Variants in UBE2K observed in about 807,000 individuals in gnomAD.
UBE2K encodes ubiquitin conjugating enzyme E2 K.
Under a neutral mutation model 30.0 loss-of-function variants are expected in UBE2K, and 6 were observed. That is an observed-to-expected ratio of 0.20 (90% confidence interval 0.11 to 0.39). The LOEUF is 0.39. Ranked by LOEUF, UBE2K falls within the 10% of genes least tolerant of loss-of-function variation. UBE2K has a pLI of 1.00. For missense variants in UBE2K, 61 were observed against 241.6 expected (o/e 0.25, Z 4.96); for synonymous variants, 86 against 83.7 (o/e 1.03, Z -0.15).
intron 4 of UBE2K, among the ~76,000 whole-genome samples, chr4:39,756,298 C>G (rs972331217): frequency 6.6e-6 from 1 of 152,180 alleles, no homozygotes; most frequent in Non-Finnish European, 1.5e-5. Flanking sequence ...TCTTGGCTCT[C>G]CAGTTTACCA....
chr4:39,767,319 G>T (rs1413920093), intron 4 of UBE2K, among the ~76,000 whole-genome samples: 6 of 148,264 alleles, frequency 4.0e-5, no homozygotes, highest in African/African-American at 7.5e-5. Context: ...TTGTGTGTGT[G>T]TTTTGTTTGT....
At chr4:39,708,643 A>G (rs1393121906) in intron 1 of UBE2K, among the ~76,000 whole-genome samples, 1 of 152,092 alleles carries the variant, frequency 6.6e-6, no homozygotes, top group African/African-American at 2.4e-5. Context: ...AGAAAAATAT[A>G]GTGTCTTAGA....
At chr4:39,726,521 G>A (rs1040982191) in intron 1 of UBE2K, among the ~76,000 whole-genome samples, 1 of 148,400 alleles carries the variant, frequency 6.7e-6, no homozygotes, top group Non-Finnish European at 1.5e-5. Context: ...ACTCCTCCTG[G>A]CCTCCACTTT....
chr4:39,749,120 A>G (rs1721126947), intron 3 of UBE2K, among the ~76,000 whole-genome samples: 1 of 152,214 alleles, frequency 6.6e-6, no homozygotes, highest in Non-Finnish European at 1.5e-5. Context: ...GAAAAGATGA[A>G]AAATTCACAT....
At chr4:39,750,330 G>T (rs1383848848) in intron 3 of UBE2K, among the ~76,000 whole-genome samples, 2 of 152,194 alleles carry the variant, frequency 1.3e-5, no homozygotes, top group Non-Finnish European at 1.5e-5. Context: ...AAGAGTGAAT[G>T]AAATTTACAG....
At chr4:39,768,796 TTG>T (rs1441955917) in intron 4 of UBE2K, among the ~76,000 whole-genome samples, 11 of 152,300 alleles carry the variant, frequency 7.2e-5, no homozygotes, top group African/African-American at 2.6e-4. Context: ...TCACCAACAC[TTG>T]TTCATTGTTT....
intron 1 of UBE2K, 83 bp downstream of exon 1, chr4:39,698,473 G>A (rs1304190279): frequency 2.3e-6 from 3 of 1,327,408 alleles, no homozygotes; most frequent in Middle Eastern, 1.8e-4. Flanking sequence ...ATCCCCGGTA[G>A]TCCCTGGGTG....
intron 1 of UBE2K, among the ~76,000 whole-genome samples, chr4:39,705,035 T>A (rs1369141071): frequency 6.6e-6 from 1 of 150,904 alleles, no homozygotes; most frequent in Non-Finnish European, 1.5e-5. Flanking sequence ...CATGCATGGC[T>A]AATGTTTTTT....
At chr4:39,723,052 T>A (rs1348308725) in intron 1 of UBE2K, among the ~76,000 whole-genome samples, 6 of 145,768 alleles carry the variant, frequency 4.1e-5, no homozygotes, top group African/African-American at 1.2e-4. Flanking sequence ...TTTTCTTTAA[T>A]TTTTTTTTTT....
intron 4 of UBE2K, chr4:39,771,025 A>T: frequency 6.2e-7 from 1 of 1,611,946 alleles, no homozygotes; most frequent in East Asian, 2.2e-5. Context: ...AGCCTCACGG[A>T]CCCCATCCTC....
At chr4:39,739,137 C>A (rs1255252585) in intron 2 of UBE2K, among the ~76,000 whole-genome samples, 1 of 152,028 alleles carries the variant, frequency 6.6e-6, no homozygotes, top group Non-Finnish European at 1.5e-5. Context: ...ACGCCATTCT[C>A]CTGCCTCAGC....
At chr4:39,741,002 G>A (rs542684125) in intron 2 of UBE2K, among the ~76,000 whole-genome samples, 1 of 152,074 alleles carries the variant, frequency 6.6e-6, no homozygotes, top group Non-Finnish European at 1.5e-5. Flanking sequence ...CCTGGGCGGG[G>A]TGGCTGATGC....
chr4:39,771,581 T>C (rs1199654917), intron 4 of UBE2K, among the ~76,000 whole-genome samples: 1 of 151,814 alleles, frequency 6.6e-6, no homozygotes, highest in Non-Finnish European at 1.5e-5. Flanking sequence ...GGAGGGTGTA[T>C]AGGGCGCGCT....
At chr4:39,770,553 G>T (rs1307021629) in intron 4 of UBE2K, 1 of 1,593,154 alleles carries the variant, frequency 6.3e-7, no homozygotes. Flanking sequence ...CGCCGCTGCT[G>T]CTTCCACCAG....
At chr4:39,777,103 A>G (rs145465155) in intron 5 of UBE2K, among the ~76,000 whole-genome samples, 2 of 152,334 alleles carry the variant, frequency 1.3e-5, no homozygotes, top group Admixed American at 6.5e-5. Flanking sequence ...ACCTCTTTCC[A>G]ATGCATATGG....
chr4:39,715,599 C>T (rs1210632590), intron 1 of UBE2K, among the ~76,000 whole-genome samples: 3 of 152,158 alleles, frequency 2.0e-5, no homozygotes, highest in East Asian at 1.9e-4. Flanking sequence ...TGTCACCCAC[C>T]GTGCCTGGCC....
intron 1 of UBE2K, among the ~76,000 whole-genome samples, chr4:39,701,535 A>G (rs1018656301): frequency 6.6e-6 from 1 of 152,166 alleles, no homozygotes; most frequent in Admixed American, 6.6e-5. Context: ...TTTGTCTGCA[A>G]TCACAGAGCC....
At chr4:39,770,229 C>A in intron 4 of UBE2K, 1 of 1,611,848 alleles carries the variant, frequency 6.2e-7, no homozygotes, top group Non-Finnish European at 8.5e-7. Flanking sequence ...GGGCTGCGCT[C>A]CCGAGTGCAG....
At chr4:39,763,969 C>T (rs1712143212) in intron 4 of UBE2K, among the ~76,000 whole-genome samples, 1 of 151,916 alleles carries the variant, frequency 6.6e-6, no homozygotes, top group Admixed American at 6.6e-5. Context: ...TGGGCTCAAG[C>T]GATCTACCTG....
Sources: allele counts gnomAD v4.1 joint callset (sites outside exome capture counted in the v4.1 genomes callset), GRCh38; gene constraint gnomAD v4.1.1; transcripts MANE v1.5; gene names NCBI Gene and HGNC (gene_info 2026-07-23, HGNC 2026-07-21).